SSBP1: variants seen among roughly 807,000 people sequenced by gnomAD.
SSBP1 encodes single stranded DNA binding protein 1.
Under a neutral mutation model 27.0 loss-of-function variants are expected in SSBP1, and 20 were observed. The ratio of observed to expected loss-of-function variants is 0.74; its 90% CI spans 0.52 to 1.08. The LOEUF is 1.08. Ranked by LOEUF, SSBP1 falls within the 50% of genes least tolerant of loss-of-function variation. The pLI is 0.00. For synonymous variants in SSBP1, 59 were observed against 59.3 expected (o/e 1.00, Z 0.02); for missense variants, 137 against 182.4 (o/e 0.75, Z 1.44).
chr7:141,740,060 C>T (rs1462775983), intron 2 of SSBP1: 2 of 151,932 alleles, frequency 1.3e-5, no homozygotes, highest in Non-Finnish European at 2.9e-5. Flanking sequence ...TTTTGTGTGC[C>T]CCAAATGAGA....
chr7:141,740,033 A>G (rs1799468503), intron 2 of SSBP1: 1 of 152,292 alleles, frequency 6.6e-6, no homozygotes, highest in South Asian at 2.1e-4. Context: ...ATCCTTTCCT[A>G]ATCTTCTCCA....
chr7:141,739,948 C>T (rs1799463109), intron 2 of SSBP1: 2 of 152,070 alleles, frequency 1.3e-5, no homozygotes, highest in South Asian at 4.2e-4. Context: ...TGCTTCTTAA[C>T]ACTAACGTTA....
Position 141,745,522 on chromosome 7 carries a change from T to C in SSBP1, c.341T>C (p.Ile114Thr). ...TCTCGAATTTATTTGGAAGGGAAAATAGACTATGGTGAATACATGGATAAA... is the reference window on the plus strand; with the variant it reads ...TCTCGAATTTATTTGGAAGGGAAAACAGACTATGGTGAATACATGGATAAA... ...KGSRIYLEGK[I>T]DYGEYMDKNN... Residue 114 changes from isoleucine to threonine, a missense_variant, in exon 6 of 7, where the codon ATA (isoleucine) becomes ACA (threonine). This residue lies in a region of SSBP1 where 95 missense variants were observed against 152.0 expected (regional missense o/e 0.62). Transcript: ENST00000265304. 6.2e-7 allele frequency: 1 copy of C among 1,603,692 alleles called. No individual in the cohort carries two copies. The highest frequency in any genetic ancestry group is 8.5e-7 in the Non-Finnish European group (1 of 1,175,274).
chr7:141,739,137 A>G lies in SSBP1; in HGVS notation c.-30A>G. ...TTTTTCCTTCAGGAAAAGCCTAAAGATTAGACTGTAAGAAAAGAAAATAGA... is the reference window on the plus strand; with the variant it reads ...TTTTTCCTTCAGGAAAAGCCTAAAGGTTAGACTGTAAGAAAAGAAAATAGA... On this transcript the variant is annotated 5_prime_UTR_variant, in exon 2 of 7. Transcript: ENST00000265304. 6.3e-7 allele frequency: 1 copy of G among 1,582,998 alleles called. No individual in the cohort carries two copies. Among genetic ancestry groups the G allele is most frequent in the Non-Finnish European group, 8.6e-7 (1 of 1,168,182 alleles).
At chr7:141,744,698 A>G (rs1799707442) in intron 5 of SSBP1, among the ~76,000 whole-genome samples, 1 of 152,218 alleles carries the variant, frequency 6.6e-6, no homozygotes, top group Non-Finnish European at 1.5e-5. Flanking sequence ...CTTCCTATGT[A>G]TCTTCATTGC....
rs1279680242 is a variant in SSBP1 at position 141,750,333 on chromosome 7, C to G, written c.426C>G (p.Asp142Glu). ...CAGATAATATTATATTTCTGAGTGACCAGACGAAAGAGAAGGAGTAGAAAG... is the reference window on the plus strand; with the variant it reads ...CAGATAATATTATATTTCTGAGTGAGCAGACGAAAGAGAAGGAGTAGAAAG... ...IIADNIIFLS[D>E]QTKEKE The change falls in exon 7 of 7, where the codon GAC becomes GAG. Residue 142 changes from aspartate to glutamate, a missense_variant. Around this residue, in one of 2 missense-constraint regions of SSBP1, gnomAD observed 95 missense variants for 152.0 expected, o/e 0.62. Transcript: ENST00000265304. 6.3e-7 allele frequency: 1 copy of G among 1,599,114 alleles called. No homozygotes were observed. Among genetic ancestry groups the G allele is most frequent in the Non-Finnish European group, 8.5e-7 (1 of 1,175,586 alleles).
intron 2 of SSBP1, 59 bp from the exon 3 acceptor site, chr7:141,742,110 T>C: frequency 7.9e-7 from 1 of 1,265,474 alleles, no homozygotes; most frequent in South Asian, 1.2e-5. Context: ...GTAATTCTTC[T>C]GTTTGCATTT....
chr7:141,742,602 T>C (rs1799585269), intron 3 of SSBP1, among the ~76,000 whole-genome samples: 1 of 152,176 alleles, frequency 6.6e-6, no homozygotes, highest in African/African-American at 2.4e-5. Flanking sequence ...AGATTTGTTC[T>C]TTTAGCTCCA....
At chr7:141,749,707 A>G (rs1053549337) in intron 6 of SSBP1, among the ~76,000 whole-genome samples, 1 of 152,196 alleles carries the variant, frequency 6.6e-6, no homozygotes, top group Non-Finnish European at 1.5e-5. Context: ...GCTTGAACCC[A>G]GGAGGCAGAG....
At position 141,742,007 on chromosome 7, in the gene SSBP1, G is replaced by A. The variant is rs114475028; in HGVS notation, c.25-162G>A. Reference sequence around the variant, plus strand: ...GGCTGCTCTTGAAGTGTTTGCCGGGGCCTTCTGGCACTCTGTTGGGAGAAC... The same window carrying A: ...GGCTGCTCTTGAAGTGTTTGCCGGGACCTTCTGGCACTCTGTTGGGAGAAC... On this transcript the variant is annotated intron_variant, in intron 2 of 6. Transcript: ENST00000265304. 6.6e-3 allele frequency among the ~76,000 whole-genome samples: 1,004 copies of A among 152,258 alleles called. 10 individuals are homozygous for A. The highest frequency in any genetic ancestry group is 0.024 in the East Asian group (126 of 5,188).
chr7:141,742,455 G>A (rs566589006), intron 3 of SSBP1, among the ~76,000 whole-genome samples: 4 of 152,268 alleles, frequency 2.6e-5, no homozygotes, highest in African/African-American at 4.8e-5. Flanking sequence ...TGTCAACACT[G>A]TCCTGCATAA....
intron 6 of SSBP1, among the ~76,000 whole-genome samples, chr7:141,748,338 A>C (rs1799858507): frequency 6.6e-6 from 1 of 152,212 alleles, no homozygotes; most frequent in Admixed American, 6.5e-5. Context: ...TAACTTCATA[A>C]ACATTCATAC....
At chr7:141,742,924 C>T (rs745532381) in intron 3 of SSBP1, among the ~76,000 whole-genome samples, 7 of 152,106 alleles carry the variant, frequency 4.6e-5, no homozygotes, top group South Asian at 2.1e-4. Context: ...GCGCGGTCTC[C>T]GCTCACTGCA....
chr7:141,744,118 G>GT, intron 5 of SSBP1, 129 bp downstream of exon 5: 1 of 763,840 alleles, frequency 1.3e-6, no homozygotes, highest in South Asian at 2.0e-5. Flanking sequence ...AATTTAAGAG[G>GT]TATTTACTAA....
chr7:141,742,103 A>G, intron 2 of SSBP1, 66 bp from the exon 3 acceptor site: 1 of 1,209,740 alleles, frequency 8.3e-7, no homozygotes, highest in Non-Finnish European at 1.2e-6. Flanking sequence ...AACGTGAGTA[A>G]TTCTTCTGTT....
intron 6 of SSBP1, chr7:141,745,853 T>A (rs531410102): frequency 1.1e-4 from 130 of 1,144,212 alleles, no homozygotes; most frequent in South Asian, 1.7e-4. Flanking sequence ...CCAGTACTTA[T>A]TGTTGAGAAT....
rs1799916682 is a variant in SSBP1, at chr7:141,750,360, A to T, written c.*6A>T. The T allele has an allele frequency of 6.3e-7, 1 of 1,597,628 alleles. No individual in the cohort carries two copies. ...AGACGAAAGAGAAGGAGTAGAAAGG[A>T]TGATTCTTCTTTGGCCATCATTTGG... On this transcript the variant is annotated 3_prime_UTR_variant, in exon 7 of 7. Transcript: ENST00000265304.
At chr7:141,746,043 C>A in intron 6 of SSBP1, 2 of 899,690 alleles carry the variant, frequency 2.2e-6, no homozygotes, top group Non-Finnish European at 2.7e-6. Flanking sequence ...TTTTTTGAGC[C>A]AGAATCTCAC....
In SSBP1 at chr7:141,742,147, TTA is replaced by T; in HGVS notation, c.25-20_25-19del. The T allele has an allele frequency of 1.3e-5, 20 of 1,565,790 alleles. No homozygotes were observed. The highest frequency in any genetic ancestry group is 1.8e-5 in the Non-Finnish European group (20 of 1,142,244). On this transcript the variant is annotated intron_variant, in intron 2 of 6. Coordinates refer to ENST00000265304, the MANE Select transcript of SSBP1 (RefSeq NM_003143.3). ...CCTTTCCTAAAAAATTAAAGCCATG[TTA>T]TTCATTTGTTCTTCTTTAGGTACTT... is the stretch of plus-strand genomic sequence containing the variant.
Sources: gnomAD v4.1 joint callset for allele counts (sites outside exome capture counted in the v4.1 genomes callset) on GRCh38, gnomAD v4.1.1 for gene constraint, gnomAD v4.1.1 regional missense constraint, MANE v1.5 for transcripts, NCBI Gene and HGNC (gene_info 2026-07-23, HGNC 2026-07-21) for gene names.